The following CNTNAP4 variants were observed in gnomAD, a reference collection of about 807,000 sequenced individuals.
CNTNAP4 encodes the protein contactin associated protein family member 4, also known as contactin-associated protein-like 4.
CNTNAP4 carries 98 observed loss-of-function variants against 148.4 expected under a neutral mutation model. That is an observed-to-expected ratio of 0.66 (90% CI 0.56 to 0.78). CNTNAP4 has a LOEUF of 0.78. Ranked by LOEUF, CNTNAP4 falls within the 30% of genes least tolerant of loss-of-function variation. The probability of loss-of-function intolerance (pLI) is 0.00; values close to 1 mark genes in which losing one functional copy is unlikely to be tolerated. For synonymous variants in CNTNAP4, 730 were observed against 565.1 expected (o/e 1.29, Z -4.14); for missense variants, 1,935 against 1,565.6 (o/e 1.24, Z -3.98).
At chr16:76,446,029 A>G (rs982897889) in intron 4 of CNTNAP4, among the ~76,000 whole-genome samples, 2 of 152,212 alleles carry the variant, frequency 1.3e-5, no homozygotes, top group African/African-American at 4.8e-5. Flanking sequence ...TACAGAATGC[A>G]GTATTTATTC....
intron 3 of CNTNAP4, among the ~76,000 whole-genome samples, chr16:76,398,054 C>T (rs1296264092): frequency 7.3e-6 from 1 of 137,326 alleles, no homozygotes; most frequent in South Asian, 2.4e-4. Flanking sequence ...GGTCTGCAAG[C>T]TGAGGAGCAA....
intron 15 of CNTNAP4, among the ~76,000 whole-genome samples, chr16:76,508,753 C>CTTTT (rs373123073): frequency 1.4e-5 from 1 of 70,942 alleles, no homozygotes; most frequent in African/African-American, 3.1e-5. Context: ...AAAATCATAA[C>CTTTT]TTTTTTTTTT....
At chr16:76,545,577 A>T (rs61664530) in intron 21 of CNTNAP4, among the ~76,000 whole-genome samples, 9,753 of 105,726 alleles carry the variant, frequency 0.092, 555 homozygotes, top group East Asian at 0.28. Flanking sequence ...ATAGAGCTCT[A>T]CTTACACTAA....
chr16:76,315,369 G>T (rs1961603762), intron 1 of CNTNAP4, among the ~76,000 whole-genome samples: 1 of 152,172 alleles, frequency 6.6e-6, no homozygotes, highest in South Asian at 2.1e-4. Flanking sequence ...GTATATCAAA[G>T]GGACTGGTGG....
chr16:76,475,728 C>G (rs2081551844), intron 10 of CNTNAP4, among the ~76,000 whole-genome samples: 1 of 152,188 alleles, frequency 6.6e-6, no homozygotes, highest in Non-Finnish European at 1.5e-5. Flanking sequence ...GAAAATTAAG[C>G]AGTCACAACT....
chr16:76,417,020 GC>G, intron 3 of CNTNAP4, among the ~76,000 whole-genome samples: 1 of 151,216 alleles, frequency 6.6e-6, no homozygotes, highest in Non-Finnish European at 1.5e-5. Context: ...AATTAATGTA[GC>G]TCCTTCGGCT....
At chr16:76,545,513 T>G (rs188276761) in intron 21 of CNTNAP4, among the ~76,000 whole-genome samples, 2 of 152,274 alleles carry the variant, frequency 1.3e-5, no homozygotes, top group Non-Finnish European at 2.9e-5. Flanking sequence ...TGTATTCCTC[T>G]GACAATGATG....
At chr16:76,298,482 ATGTATG>A (rs1473611992) in intron 1 of CNTNAP4, among the ~76,000 whole-genome samples, 13 of 125,774 alleles carry the variant, frequency 1.0e-4, no homozygotes, top group African/African-American at 2.0e-4. Flanking sequence ...ATGTGTGTAC[ATGTATG>A]TGTGTGTGTG....
At chr16:76,400,151 T>A (rs2078357038) in intron 3 of CNTNAP4, among the ~76,000 whole-genome samples, 1 of 152,146 alleles carries the variant, frequency 6.6e-6, no homozygotes, top group South Asian at 2.1e-4. Context: ...TACTGTTATG[T>A]TATAGATGAA....
chr16:76,423,886 G>T (rs540661765), intron 3 of CNTNAP4, among the ~76,000 whole-genome samples: 1 of 151,992 alleles, frequency 6.6e-6, no homozygotes, highest in Non-Finnish European at 1.5e-5. Flanking sequence ...GCTTTTGCCT[G>T]CTGTATGGCT....
At chr16:76,304,627 C>A (rs1274997625) in intron 1 of CNTNAP4, among the ~76,000 whole-genome samples, 1 of 152,122 alleles carries the variant, frequency 6.6e-6, no homozygotes, top group Non-Finnish European at 1.5e-5. Context: ...TAAAATTATA[C>A]ATGTGGACTC....
intron 8 of CNTNAP4, among the ~76,000 whole-genome samples, chr16:76,460,765 A>AT: frequency 2.7e-5 from 1 of 37,460 alleles, no homozygotes; most frequent in Admixed American, 2.6e-4. Flanking sequence ...AAAAAAAAAA[A>AT]AAAAAAAAAT....
chr16:76,416,391 C>T (rs1209636067), intron 3 of CNTNAP4, among the ~76,000 whole-genome samples: 1 of 151,300 alleles, frequency 6.6e-6, no homozygotes, highest in East Asian at 1.9e-4. Flanking sequence ...CTAATATATG[C>T]ATTTAATGCT....
At chr16:76,300,081 G>A (rs143402382) in intron 1 of CNTNAP4, among the ~76,000 whole-genome samples, 3,734 of 151,978 alleles carry the variant, frequency 0.025, 154 homozygotes, top group African/African-American at 0.084. Context: ...CCAACACGGC[G>A]CATGTATACA....
chr16:76,510,754 A>G (rs140927647), intron 15 of CNTNAP4, among the ~76,000 whole-genome samples: 15 of 152,284 alleles, frequency 9.9e-5, no homozygotes, highest in African/African-American at 3.1e-4. Context: ...CTTTATTTTC[A>G]GAATTCTTTC....
At chr16:76,515,232 A>T (rs900696177) in intron 15 of CNTNAP4, among the ~76,000 whole-genome samples, 2 of 152,162 alleles carry the variant, frequency 1.3e-5, no homozygotes, top group African/African-American at 4.8e-5. Context: ...GAATCCTCAA[A>T]AGTTGACAGT....
chr16:76,549,613 C>T (rs1437649404), intron 21 of CNTNAP4, among the ~76,000 whole-genome samples: 1 of 151,904 alleles, frequency 6.6e-6, no homozygotes, highest in Non-Finnish European at 1.5e-5. Flanking sequence ...AGTAAGAGTA[C>T]TTTAAGGAGA....
intron 2 of CNTNAP4, among the ~76,000 whole-genome samples, chr16:76,353,457 C>G (rs1820771): frequency 0.02 from 3,019 of 152,306 alleles, 100 homozygotes; most frequent in African/African-American, 0.064. Flanking sequence ...CCGGCCAGGA[C>G]TGGTCACTTT....
chr16:76,423,634 A>G (rs986088256), intron 3 of CNTNAP4, among the ~76,000 whole-genome samples: 1 of 152,180 alleles, frequency 6.6e-6, no homozygotes, highest in Non-Finnish European at 1.5e-5. Context: ...CATGCACTGA[A>G]CTTTTCATTT....
Sources: allele counts gnomAD v4.1 joint callset (sites outside exome capture counted in the v4.1 genomes callset), GRCh38; gene constraint gnomAD v4.1.1; transcripts MANE v1.5; gene names NCBI Gene and HGNC (gene_info 2026-07-23, HGNC 2026-07-21).